Variants in THSD4 observed in about 807,000 individuals in gnomAD.
THSD4 encodes thrombospondin type-1 domain-containing protein 4.
A neutral mutation model predicts 119.0 loss-of-function variants in THSD4; 69 were observed. The observed-to-expected ratio is 0.58, with a 90% CI of 0.48 to 0.71. The LOEUF is 0.71. Ranked by LOEUF, THSD4 falls within the 30% of genes least tolerant of loss-of-function variation. THSD4 has a pLI of 0.00. For missense variants in THSD4, 1,393 were observed against 1,391.1 expected (o/e 1.00, Z -0.02); for synonymous variants, 524 against 540.4 (o/e 0.97, Z 0.42).
At chr15:71,745,309 C>A in intron 12 of THSD4, 74 bp downstream of exon 12, 1 of 1,563,166 alleles carries the variant, frequency 6.4e-7, no homozygotes, top group Non-Finnish European at 8.7e-7. Context: ...ACCTTAGGAA[C>A]AGATATAAGT....
At chr15:71,312,294 C>T (rs546548246) in intron 6 of THSD4, among the ~76,000 whole-genome samples, 2 of 152,174 alleles carry the variant, frequency 1.3e-5, no homozygotes, top group South Asian at 2.1e-4. Context: ...TACCACTGCA[C>T]TCCAGTCTGG....
intron 7 of THSD4, among the ~76,000 whole-genome samples, chr15:71,621,557 G>A (rs1476526237): frequency 2.0e-5 from 3 of 152,114 alleles, no homozygotes; most frequent in African/African-American, 4.8e-5. Context: ...ATAATCATGT[G>A]TACATTTCCA....
At chr15:71,288,856 A>G (rs947564281) in intron 6 of THSD4, among the ~76,000 whole-genome samples, 2 of 152,204 alleles carry the variant, frequency 1.3e-5, no homozygotes, top group African/African-American at 4.8e-5. Context: ...AACAATACCA[A>G]GACCTTCCGG....
At chr15:71,243,653 C>T (rs771270090) in intron 5 of THSD4, among the ~76,000 whole-genome samples, 1 of 152,054 alleles carries the variant, frequency 6.6e-6, no homozygotes, top group African/African-American at 2.4e-5. Context: ...TAGCTGTACT[C>T]ATGCATATAT....
intron 7 of THSD4, among the ~76,000 whole-genome samples, chr15:71,654,958 G>A (rs749730145): frequency 6.6e-6 from 1 of 152,140 alleles, no homozygotes; most frequent in Non-Finnish European, 1.5e-5. Flanking sequence ...TCCTCCCTGT[G>A]AAATTCACCT....
At chr15:71,622,862 C>T (rs2050441848) in intron 7 of THSD4, among the ~76,000 whole-genome samples, 1 of 152,088 alleles carries the variant, frequency 6.6e-6, no homozygotes, top group African/African-American at 2.4e-5. Context: ...GCAGAGGTAG[C>T]TATGGACCTA....
At chr15:71,374,504 A>G (rs1016395624) in intron 6 of THSD4, among the ~76,000 whole-genome samples, 1 of 152,208 alleles carries the variant, frequency 6.6e-6, no homozygotes, top group Non-Finnish European at 1.5e-5. Flanking sequence ...GTTCATCTAA[A>G]TATCCAAATC....
At chr15:71,491,244 T>C (rs927848065) in intron 7 of THSD4, among the ~76,000 whole-genome samples, 4 of 152,184 alleles carry the variant, frequency 2.6e-5, no homozygotes, top group East Asian at 1.9e-4. Context: ...ATTTGGAAAG[T>C]TAAAGAAGGG....
intron 7 of THSD4, among the ~76,000 whole-genome samples, chr15:71,542,570 A>G (rs1415075311): frequency 1.3e-5 from 2 of 151,930 alleles, no homozygotes; most frequent in Admixed American, 6.6e-5. Flanking sequence ...CTAATCATGA[A>G]AAAAACGTTA....
chr15:71,554,308 G>A (rs955175266), intron 7 of THSD4, among the ~76,000 whole-genome samples: 4 of 151,218 alleles, frequency 2.6e-5, no homozygotes, highest in Non-Finnish European at 4.4e-5. Flanking sequence ...TGTTAACCAG[G>A]ATGGTCTCCA....
intron 6 of THSD4, among the ~76,000 whole-genome samples, chr15:71,339,236 T>A (rs74746765): frequency 0.046 from 6,993 of 152,218 alleles, 579 homozygotes; most frequent in African/African-American, 0.16. Flanking sequence ...GCTGAGTTTT[T>A]TGTATTTTTT....
Position 71,502,405 on chromosome 15 carries a change from A to T in THSD4, c.1152+90582A>T, listed in dbSNP as rs984217458. 3.3e-5 allele frequency among the ~76,000 whole-genome samples: 5 copies of T among 152,348 alleles called. No individual in the cohort carries two copies. The South Asian group carries it at 1.0e-3, about 32-fold the overall frequency. ...TGGGTATGTTTCTTTGCAAACTTTT[A>T]TGGTAGAAAACAATTTAGAGGTTAT... On this transcript the variant is annotated intron_variant, in intron 7 of 17. Coordinates refer to ENST00000261862, the MANE Select transcript of THSD4 (RefSeq NM_024817.3).
In THSD4 at chr15:71,389,827, T is replaced by TTTTTTTTTTTTTTG. The variant is rs56316633; in HGVS notation, c.1016-21860_1016-21859insTTTTTTTTTTTTTG. Among the ~76,000 whole-genome samples, 21 of 142,910 alleles carry TTTTTTTTTTTTTTG rather than the reference T, an allele frequency of 1.5e-4. 2 individuals carry two copies. Among genetic ancestry groups the TTTTTTTTTTTTTTG allele is most frequent in the African/African-American group, 5.4e-4 (20 of 37,230 alleles). 93.8% of individuals were successfully genotyped at this position (142,910 alleles called of 152,430 possible). A position where few individuals can be genotyped will look rare whatever the true frequency, so the allele number is the denominator to read the frequency against. Reference sequence around the variant, plus strand: ...TCTGGGTTGTTTTTTTTTTTTTTTTTGACACAGAGTCTCGCTCTGTCACTC... The same window carrying TTTTTTTTTTTTTTG: ...TCTGGGTTGTTTTTTTTTTTTTTTTTTTTTTTTTTTTTTGGACACAGAGTCTCGCTCTGTCACTC... On this transcript the variant is annotated intron_variant, in intron 6 of 17. Coordinates refer to ENST00000261862, the MANE Select transcript of THSD4 (RefSeq NM_024817.3).
chr15:71,402,041 G>A (rs2046541596), intron 6 of THSD4, among the ~76,000 whole-genome samples: 1 of 134,994 alleles, frequency 7.4e-6, no homozygotes, highest in Admixed American at 8.5e-5. Context: ...TCATAGGTGG[G>A]AATTGAACAA....
intron 1 of THSD4, among the ~76,000 whole-genome samples, chr15:71,097,335 C>T (rs2040234695): frequency 6.6e-6 from 1 of 152,122 alleles, no homozygotes; most frequent in South Asian, 2.1e-4. Context: ...GAGGCTGAGA[C>T]GGGTGGATTG....
intron 6 of THSD4, among the ~76,000 whole-genome samples, chr15:71,367,283 A>C (rs1322504377): frequency 6.6e-6 from 1 of 151,698 alleles, no homozygotes. Context: ...GATTACCACT[A>C]TGCCATTCTT....
intron 6 of THSD4, among the ~76,000 whole-genome samples, chr15:71,379,197 C>G (rs763670328): frequency 2.0e-5 from 3 of 150,656 alleles, no homozygotes; most frequent in Non-Finnish European, 4.5e-5. Context: ...TAGCTTTTCT[C>G]ATTTTCTCAT....
At chr15:71,211,875 T>G (rs2043890823) in intron 3 of THSD4, among the ~76,000 whole-genome samples, 1 of 152,334 alleles carries the variant, frequency 6.6e-6, no homozygotes, top group South Asian at 2.1e-4. Flanking sequence ...TTTTGTCTCT[T>G]ACCATGATTT....
Position 71,313,947 on chromosome 15 carries a change from G to T in THSD4, c.1015+57232G>T, listed in dbSNP as rs2045150236. 2.6e-5 allele frequency among the ~76,000 whole-genome samples: 4 copies of T among 152,180 alleles called. No individual in the cohort carries two copies. The South Asian group carries it at 6.2e-4, about 24-fold the overall frequency. ...AAAGCAGATTAAAGCCATCTTTTCA[G>T]TTAATTAGTTCCAATGCTCTGATAC... is the stretch of plus-strand genomic sequence containing the variant. On this transcript the variant is annotated intron_variant, in intron 6 of 17. Coordinates refer to ENST00000261862, the MANE Select transcript of THSD4 (RefSeq NM_024817.3).
Sources: gnomAD v4.1 joint callset for allele counts (sites outside exome capture counted in the v4.1 genomes callset) on GRCh38, gnomAD v4.1.1 for gene constraint, MANE v1.5 for transcripts, NCBI Gene and HGNC (gene_info 2026-07-23, HGNC 2026-07-21) for gene names.